ZHX2: variants seen among roughly 807,000 people sequenced by gnomAD.
ZHX2 encodes zinc fingers and homeoboxes protein 2.
Under a neutral mutation model 21.9 loss-of-function variants are expected in ZHX2, and 6 were observed. The ratio of observed to expected loss-of-function variants is 0.27; its 90% confidence interval spans 0.15 to 0.54. The LOEUF (loss-of-function observed/expected upper bound fraction) is 0.54. Ranked by LOEUF, ZHX2 falls within the 20% of genes least tolerant of loss-of-function variation. ZHX2 has a pLI of 0.95. For missense variants in ZHX2, 908 were observed against 1,090.7 expected (o/e 0.83, Z 2.36); for synonymous variants, 434 against 437.1 (o/e 0.99, Z 0.09).
intron 3 of ZHX2, among the ~76,000 whole-genome samples, chr8:122,972,582 A>T (rs1404730070): frequency 6.6e-6 from 1 of 152,206 alleles, no homozygotes; most frequent in Non-Finnish European, 1.5e-5. Context: ...ATTAAATAAA[A>T]ACACATTTAC....
chr8:122,853,521 G>A (rs1818952263), intron 1 of ZHX2, among the ~76,000 whole-genome samples: 1 of 152,146 alleles, frequency 6.6e-6, no homozygotes, highest in Non-Finnish European at 1.5e-5. Flanking sequence ...TCAGTGTGGT[G>A]TGCATGCACC....
intron 2 of ZHX2, among the ~76,000 whole-genome samples, chr8:122,937,879 GCCGGA>G: frequency 6.7e-6 from 1 of 149,860 alleles, no homozygotes; most frequent in East Asian, 2.0e-4. Context: ...ACCGCGCCCA[GCCGGA>G]TCATCTATTT....
chr8:122,822,597 C>T (rs1818177011), intron 1 of ZHX2, among the ~76,000 whole-genome samples: 1 of 152,154 alleles, frequency 6.6e-6, no homozygotes, highest in Non-Finnish European at 1.5e-5. Context: ...CGAGAGCCTC[C>T]CAAGCAGAGG....
intron 2 of ZHX2, among the ~76,000 whole-genome samples, chr8:122,910,835 A>G (rs1176073594): frequency 6.6e-6 from 1 of 152,152 alleles, no homozygotes; most frequent in Non-Finnish European, 1.5e-5. Context: ...GGGGCCATGC[A>G]TCCCGTCAAG....
intron 2 of ZHX2, among the ~76,000 whole-genome samples, chr8:122,909,233 C>T (rs1820418488): frequency 6.6e-6 from 1 of 152,056 alleles, no homozygotes; most frequent in African/African-American, 2.4e-5. Flanking sequence ...GAGTTCAAGA[C>T]CAGCTTGGCC....
At chr8:122,790,925 T>G (rs1239287937) in intron 1 of ZHX2, among the ~76,000 whole-genome samples, 1 of 152,170 alleles carries the variant, frequency 6.6e-6, no homozygotes, top group Non-Finnish European at 1.5e-5. Flanking sequence ...GTGATTCTGT[T>G]ATCCCCATTT....
At chr8:122,851,448 C>G (rs1418131226) in intron 1 of ZHX2, among the ~76,000 whole-genome samples, 2 of 152,130 alleles carry the variant, frequency 1.3e-5, no homozygotes, top group Non-Finnish European at 2.9e-5. Context: ...GCAGGAGGCC[C>G]TTCCCTGACA....
rs1237126739 is a variant in ZHX2 at position 122,875,157 on chromosome 8, A to T, written c.-220+11618A>T. ...TATATATATATATATATATATATAT[A>T]TATATATATATATATATATATATAT... On this transcript the variant is annotated intron_variant, in intron 2 of 3. Transcript: ENST00000314393. Among the ~76,000 whole-genome samples, 68 of 14,248 alleles carry T rather than the reference A, an allele frequency of 4.8e-3. 7 individuals are homozygous for T. Among genetic ancestry groups the T allele is most frequent in the African/African-American group, 0.017 (61 of 3,562 alleles). 9.3% of individuals were successfully genotyped at this position (14,248 alleles called of 152,430 possible).
At chr8:122,962,269 G>C (rs4870834) in intron 3 of ZHX2, among the ~76,000 whole-genome samples, 99,715 of 152,030 alleles carry the variant, frequency 0.66, 34,223 homozygotes, top group African/African-American at 0.87. Context: ...TTTTATCCCT[G>C]ACCCCCCTCT....
intron 2 of ZHX2, among the ~76,000 whole-genome samples, chr8:122,938,977 G>A (rs1371413803): frequency 6.6e-6 from 1 of 152,252 alleles, no homozygotes; most frequent in Non-Finnish European, 1.5e-5. Flanking sequence ...ACAGAGCTGG[G>A]AGGGCAGAAT....
chr8:122,788,588 A>AG, intron 1 of ZHX2, among the ~76,000 whole-genome samples: 1 of 152,278 alleles, frequency 6.6e-6, no homozygotes, highest in East Asian at 1.9e-4. Flanking sequence ...AAATAAAAAA[A>AG]GATAGGAAAC....
At position 122,951,913 on chromosome 8, in the gene ZHX2, G is replaced by A. The variant is rs771801035; in HGVS notation, c.403G>A (p.Gly135Arg). Reference protein sequence around the residue: ...LSDHNSKFHPGEANFKLKLIK... With the variant: ...LSDHNSKFHPREANFKLKLIK... Reference sequence around the variant, plus strand: ...CGACCACAACTCCAAGTTCCATCCCGGGGAGGCCAACTTCAAGCTGAAGTT... The same window carrying A: ...CGACCACAACTCCAAGTTCCATCCCAGGGAGGCCAACTTCAAGCTGAAGTT... The change falls in exon 3 of 4, where the codon GGG becomes AGG. Residue 135 changes from glycine (G) to arginine (R), a missense_variant. Transcript: ENST00000314393. The A allele has an allele frequency of 1.5e-5, 24 of 1,613,892 alleles. No individual in the cohort carries two copies. The highest frequency in any genetic ancestry group is 1.6e-4 in the Middle Eastern group (1 of 6,084).
At chr8:122,855,429 C>T (rs963691685) in intron 1 of ZHX2, among the ~76,000 whole-genome samples, 6 of 152,014 alleles carry the variant, frequency 3.9e-5, no homozygotes, top group African/African-American at 7.3e-5. Context: ...AGGCACTGGC[C>T]GGGTCAGAGT....
At chr8:122,923,247 A>C (rs1820779542) in intron 2 of ZHX2, among the ~76,000 whole-genome samples, 1 of 152,254 alleles carries the variant, frequency 6.6e-6, no homozygotes, top group Non-Finnish European at 1.5e-5. Context: ...GACAGACTGT[A>C]GCAGTTATGG....
intron 1 of ZHX2, among the ~76,000 whole-genome samples, chr8:122,797,083 C>T (rs1817627893): frequency 6.6e-6 from 1 of 152,136 alleles, no homozygotes; most frequent in Non-Finnish European, 1.5e-5. Flanking sequence ...CTGGGATAGG[C>T]ATTGGATGAG....
intron 1 of ZHX2, among the ~76,000 whole-genome samples, chr8:122,856,484 C>T (rs1819026429): frequency 1.3e-5 from 2 of 152,204 alleles, no homozygotes; most frequent in Non-Finnish European, 2.9e-5. Context: ...CACCACCCAC[C>T]CAAAGGGCTT....
chr8:122,861,420 A>T (rs1008322368), intron 1 of ZHX2, among the ~76,000 whole-genome samples: 4 of 152,170 alleles, frequency 2.6e-5, no homozygotes, highest in Non-Finnish European at 5.9e-5. Flanking sequence ...TAACATAATG[A>T]CTCACTGATA....
rs544576287 is a variant in ZHX2, at chr8:122,926,267, G to A, written c.-219-25025G>A. Among the ~76,000 whole-genome samples, 20 of 152,290 alleles carry A rather than the reference G, an allele frequency of 1.3e-4. No individual in the cohort carries two copies. The South Asian group carries it at 2.5e-3, about 19-fold the overall frequency. On this transcript the variant is annotated intron_variant, in intron 2 of 3. Transcript: ENST00000314393. ...ATTTAAAAGCTCCTCTGTTGATGCCGGTGCGGAACAAGGGTTGAGGGCCCT... is the reference window on the plus strand; with the variant it reads ...ATTTAAAAGCTCCTCTGTTGATGCCAGTGCGGAACAAGGGTTGAGGGCCCT...
Position 122,968,324 on chromosome 8 carries a change from G to T in ZHX2, c.*5-4918G>T, listed in dbSNP as rs892760440. ...CTCAGCAAGTTCCCCAACCCTAGAG[G>T]CCCTTCAAACCACGCAGGGAAGGAG... On this transcript the variant is annotated intron_variant, in intron 3 of 3. Coordinates refer to ENST00000314393, the MANE Select transcript of ZHX2 (RefSeq NM_014943.5). Among the ~76,000 whole-genome samples the T allele has an allele frequency of 7.2e-5, 11 of 152,242 alleles. No individual in the cohort carries two copies. The East Asian group carries it at 1.9e-3, about 27-fold the overall frequency.
Sources: allele counts gnomAD v4.1 joint callset (sites outside exome capture counted in the v4.1 genomes callset), GRCh38; gene constraint gnomAD v4.1.1; transcripts MANE v1.5; gene names NCBI Gene and HGNC (gene_info 2026-07-23, HGNC 2026-07-21).